ZNF81: variants seen among roughly 807,000 people sequenced by gnomAD.
ZNF81 encodes zinc finger protein 81 (HFZ20).
A neutral mutation model predicts 32.3 loss-of-function variants in ZNF81; 5 were observed. The observed-to-expected ratio is 0.15, with a 90% confidence interval of 0.08 to 0.33. The LOEUF is 0.33. Ranked by LOEUF, ZNF81 falls within the 10% of genes least tolerant of loss-of-function variation. The pLI, the probability that ZNF81 is intolerant of heterozygous loss-of-function variation, is 1.00. For missense variants in ZNF81, 379 were observed against 479.8 expected (o/e 0.79, Z 1.96); for synonymous variants, 163 against 166.8 (o/e 0.98, Z 0.17).
intron 1 of ZNF81, chrX:47,841,531 A>G: frequency 4.1e-6 from 4 of 964,168 alleles, no homozygotes; most frequent in Non-Finnish European, 5.9e-6. Flanking sequence ...GCCAGGAATC[A>G]TGTAGGAATG....
At chrX:47,859,753 C>T (rs2058532143) in intron 2 of ZNF81, among the ~76,000 whole-genome samples, 1 of 111,520 alleles carries the variant, frequency 9.0e-6, no homozygotes, top group African/African-American at 3.3e-5. Flanking sequence ...TCATGGCAGT[C>T]GTGGTAGCTA....
At chrX:47,913,398 C>T (rs782194269) in intron 4 of ZNF81, among the ~76,000 whole-genome samples, 39 of 110,773 alleles carry the variant, frequency 3.5e-4, no homozygotes, top group Non-Finnish European at 6.2e-4. Context: ...TGGTCCCCAA[C>T]ACTTGGGAGG....
In ZNF81 at chrX:47,923,905, C is replaced by T. The variant is rs782103161; in HGVS notation, c.*7273C>T. Among the ~76,000 whole-genome samples, 20 of 111,557 alleles carry T rather than the reference C, an allele frequency of 1.8e-4. No homozygotes were observed. Among genetic ancestry groups the T allele is most frequent in the African/African-American group, 6.5e-4 (20 of 30,660 alleles). ...TCCTATCTTCCACTCTATATCCAGCCCTTCTTTCCATCTTCCAGCCCTGCT... is the reference window on the plus strand; with the variant it reads ...TCCTATCTTCCACTCTATATCCAGCTCTTCTTTCCATCTTCCAGCCCTGCT... On this transcript the variant is annotated 3_prime_UTR_variant, in exon 5 of 5. Coordinates refer to ENST00000338637, the MANE Select transcript of ZNF81 (RefSeq NM_007137.5).
Position 47,921,343 on chromosome X carries a change from T to C in ZNF81, c.*4711T>C, listed in dbSNP as rs2058776212. 1 of 110,254 alleles carries C rather than the reference T, an allele frequency of 9.1e-6. No individual in the cohort carries two copies. The highest frequency in any genetic ancestry group is 4.1e-4 in the South Asian group (1 of 2,439). 9.1% of individuals were successfully genotyped at this position (110,254 alleles called of 1,213,427 possible). A position where few individuals can be genotyped will look rare whatever the true frequency, so the allele number is the denominator to read the frequency against. On this transcript the variant is annotated 3_prime_UTR_variant, in exon 5 of 5. Transcript: ENST00000338637. ...TCCTGAACCCATGTGTGGAAAAGCC[T>C]GAACTGTGCTGTTGGAAAATGAGAG...
intron 2 of ZNF81, among the ~76,000 whole-genome samples, chrX:47,847,918 A>ATT (rs58155003): frequency 1.2e-3 from 117 of 100,070 alleles, no homozygotes; most frequent in African/African-American, 3.0e-3. Flanking sequence ...ATTAGAAATA[A>ATT]TTTTTTTTTT....
rs1459499431 is a variant in ZNF81, at chrX:47,921,533, C to T, written c.*4901C>T. ...GTCTCTGAGATGACCCTGAATGATC[C>T]CCACCTCCTGGTATTCTCACTCTTA... On this transcript the variant is annotated 3_prime_UTR_variant, in exon 5 of 5. Coordinates refer to ENST00000338637, the MANE Select transcript of ZNF81 (RefSeq NM_007137.5). 9.0e-6 allele frequency: 1 copy of T among 110,860 alleles called. No homozygotes were observed. The highest frequency in any genetic ancestry group is 1.9e-5 in the Non-Finnish European group (1 of 52,959). 9.1% of individuals were successfully genotyped at this position (110,860 alleles called of 1,213,427 possible).
At chrX:47,847,538 A>G (rs918500861) in intron 2 of ZNF81, among the ~76,000 whole-genome samples, 1 of 111,888 alleles carries the variant, frequency 8.9e-6, no homozygotes, top group Non-Finnish European at 1.9e-5. Context: ...CTGGAGCTTG[A>G]CTTGCTAAAG....
At chrX:47,877,854 T>C (rs2058606031) in intron 2 of ZNF81, among the ~76,000 whole-genome samples, 1 of 112,009 alleles carries the variant, frequency 8.9e-6, no homozygotes, top group Non-Finnish European at 1.9e-5. Context: ...AGTTTCTCAT[T>C]TCCTAGCATT....
At chrX:47,905,236 C>A (rs868923215) in intron 4 of ZNF81, among the ~76,000 whole-genome samples, 2 of 29,692 alleles carry the variant, frequency 6.7e-5, no homozygotes, top group African/African-American at 1.7e-4. Context: ...TTAAAAAAAT[C>A]AACTCCAAAA....
At chrX:47,861,873 C>T (rs1467414364) in intron 2 of ZNF81, among the ~76,000 whole-genome samples, 2 of 112,202 alleles carry the variant, frequency 1.8e-5, no homozygotes, top group African/African-American at 3.2e-5. Flanking sequence ...TTATCCATAA[C>T]GACCTTGGAC....
chrX:47,905,744 T>G (rs1556889095), intron 4 of ZNF81, among the ~76,000 whole-genome samples: 1 of 112,071 alleles, frequency 8.9e-6, no homozygotes, highest in African/African-American at 3.2e-5. Flanking sequence ...AAATTACAAG[T>G]TGACATCTTG....
At position 47,872,749 on chromosome X, in the gene ZNF81, C is replaced by T. The variant is rs60590531; in HGVS notation, c.55-15250C>T. On this transcript the variant is annotated intron_variant, in intron 2 of 4. Transcript: ENST00000338637. The stretch of plus-strand genomic sequence containing the variant: ...CTTGACTAGAAGTATGGGACTATTA[C>T]AGGGTGAGTGCCCTTTTAAAATTAT... Among the ~76,000 whole-genome samples the T allele has an allele frequency of 2.0e-3, 224 of 111,968 alleles. 1 individual carries two copies. The highest frequency in any genetic ancestry group is 6.8e-3 in the African/African-American group (208 of 30,805).
intron 2 of ZNF81, among the ~76,000 whole-genome samples, chrX:47,848,015 C>T (rs981743507): frequency 9.1e-6 from 1 of 109,313 alleles, no homozygotes; most frequent in African/African-American, 3.3e-5. Flanking sequence ...CCTGGGTTCA[C>T]ACCATTCTCC....
At chrX:47,883,187 T>C (rs2058627797) in intron 2 of ZNF81, among the ~76,000 whole-genome samples, 1 of 111,828 alleles carries the variant, frequency 8.9e-6, no homozygotes. Flanking sequence ...ATGTGCTTTA[T>C]TGGCCATTTG....
chrX:47,887,299 C>T (rs1343587501), intron 2 of ZNF81, among the ~76,000 whole-genome samples: 11 of 111,556 alleles, frequency 9.9e-5, no homozygotes, highest in African/African-American at 2.9e-4. Flanking sequence ...CTGGGTCCTT[C>T]GCATAGCCAT....
chrX:47,899,566 A>C (rs890815545), intron 4 of ZNF81, among the ~76,000 whole-genome samples: 1 of 110,232 alleles, frequency 9.1e-6, no homozygotes, highest in African/African-American at 3.3e-5. Context: ...CTTTTTTTTC[A>C]ATGTCTTTGT....
At chrX:47,843,489 G>T (rs951360777) in intron 1 of ZNF81, among the ~76,000 whole-genome samples, 7 of 93,721 alleles carry the variant, frequency 7.5e-5, no homozygotes, top group Non-Finnish European at 1.1e-4. Flanking sequence ...TATCTGATTT[G>T]CTAGAGAGTT....
intron 2 of ZNF81, among the ~76,000 whole-genome samples, chrX:47,872,454 G>A (rs12856367): frequency 2.7e-5 from 3 of 111,299 alleles, no homozygotes; most frequent in Non-Finnish European, 3.8e-5. Flanking sequence ...AGGAGAGTCC[G>A]GAAACCCTTG....
rs782709510 is a variant in ZNF81, at chrX:47,925,281, T to C, written c.*8649T>C. 5.3e-4 allele frequency among the ~76,000 whole-genome samples: 59 copies of C among 111,644 alleles called. No homozygotes were observed. The highest frequency in any genetic ancestry group is 3.8e-3 in the Admixed American group (40 of 10,501). ...ACATATCAATCACCCCAAAAAAGTT[T>C]CCTTATGCCTCTTTGTCATTCAGCC... On this transcript the variant is annotated 3_prime_UTR_variant, in exon 5 of 5. Coordinates refer to ENST00000338637, the MANE Select transcript of ZNF81 (RefSeq NM_007137.5).
Sources: gnomAD v4.1 joint callset for allele counts (sites outside exome capture counted in the v4.1 genomes callset) on GRCh38, gnomAD v4.1.1 for gene constraint, MANE v1.5 for transcripts, NCBI Gene and HGNC (gene_info 2026-07-23, HGNC 2026-07-21) for gene names.